The following UMODL1 variants were observed in gnomAD, a reference collection of about 807,000 sequenced individuals.
UMODL1 encodes uromodulin like 1.
Under a neutral mutation model 136.3 loss-of-function variants are expected in UMODL1, and 128 were observed. The observed-to-expected ratio is 0.94, with a 90% confidence interval of 0.81 to 1.09. The LOEUF (loss-of-function observed/expected upper bound fraction) is 1.09, where lower values mean the gene tolerates loss of function less well. UMODL1 is among the 50% of genes least tolerant of loss of function. The pLI is 0.00. For missense variants in UMODL1, 1,766 were observed against 1,725.6 expected, an observed-to-expected ratio of 1.02 and a Z score of -0.41; for synonymous variants, 721 against 720.0, an observed-to-expected ratio of 1.00 and a Z score of -0.02.
chr21:42,128,741 T>G (rs35049682), intron 20 of UMODL1, among the ~76,000 whole-genome samples: 9,385 of 152,252 alleles, frequency 0.062, 404 homozygotes, highest in Middle Eastern at 0.1. Flanking sequence ...CCGCCAGGCT[T>G]CGTCTCTGCA....
Position 42,119,131 on chromosome 21 carries a change from C to G in UMODL1, c.2496C>G (p.Ala832=), listed in dbSNP as rs2066936350. The stretch of plus-strand genomic sequence containing the variant: ...CGCAGGTGCGGGGCTCCCTGCCAGC[C>G]ACCATGTGTCAGCACATGGACGCTG... The part of the protein sequence containing the change: ...FFRMVRGSLP[A]TMCQHMDAGG... The change falls in exon 15 of 23, where the codon GCC becomes GCG. Residue 832 remains alanine, a synonymous_variant. Coordinates refer to ENST00000408910, the MANE Select transcript of UMODL1 (RefSeq NM_001004416.3). The G allele has an allele frequency of 6.2e-7, 1 of 1,613,096 alleles. No homozygotes were observed. The highest frequency in any genetic ancestry group is 8.5e-7 in the Non-Finnish European group (1 of 1,179,752).
chr21:42,122,921 G>T lies in UMODL1; in HGVS notation c.2918G>T (p.Ser973Ile). The T allele has an allele frequency of 6.2e-7, 1 of 1,613,824 alleles. No individual in the cohort carries two copies. Among genetic ancestry groups the T allele is most frequent in the African/African-American group, 1.3e-5 (1 of 75,042 alleles). ...AAGGCTGCCTTTGTGCAAGGCACCA[G>T]CCCCACCCCCCAAGGCCTGCCCCAG... ...GTKAAFVQGTSPTPQGLPQRL... is the reference protein window; with the variant it reads ...GTKAAFVQGTIPTPQGLPQRL... Residue 973 changes from serine to isoleucine, a missense_variant, in exon 17 of 23, where the codon AGC becomes ATC. By Grantham distance (142) the Ser-to-Ile change is moderately radical. Coordinates refer to ENST00000408910, the MANE Select transcript of UMODL1 (RefSeq NM_001004416.3). The surrounding 1 kb of genome is among the most constrained non-coding windows in gnomAD (Gnocchi z 4.3).
At chr21:42,094,712 A>G (rs1218210242) in intron 6 of UMODL1, among the ~76,000 whole-genome samples, 2 of 152,178 alleles carry the variant, frequency 1.3e-5, no homozygotes, top group Non-Finnish European at 2.9e-5. Flanking sequence ...AAATACCCCA[A>G]GGTCTGTCCA....
At chr21:42,131,459 G>GACTC (rs2067133416) in intron 21 of UMODL1, among the ~76,000 whole-genome samples, 1 of 17,292 alleles carries the variant, frequency 5.8e-5, no homozygotes, top group African/African-American at 1.0e-4. Flanking sequence ...TCTCAGCCAT[G>GACTC]AAGCTGGGGA....
At chr21:42,095,087 C>CTCTTTTTTTTTTT (rs1569151178) in intron 6 of UMODL1, among the ~76,000 whole-genome samples, 1 of 34,048 alleles carries the variant, frequency 2.9e-5, no homozygotes, top group African/African-American at 7.5e-5. Flanking sequence ...TTTTCTTCTG[C>CTCTTTTTTTTTTT]TGTTTTTTTT....
At position 42,096,341 on chromosome 21, in the gene UMODL1, C is replaced by T. The variant is rs571562502; in HGVS notation, c.932-2585C>T. 2.4e-4 allele frequency among the ~76,000 whole-genome samples: 36 copies of T among 152,274 alleles called. No individual in the cohort carries two copies. The South Asian group carries it at 3.1e-3, about 13-fold the overall frequency. On this transcript the variant is annotated intron_variant, in intron 6 of 22. Transcript: ENST00000408910. ...CTGACGGCAGCTTCTGCAGATGCCT[C>T]GGAGGGCTTCACAGCATTTGAAATG...
At chr21:42,103,258 C>T (rs2066660312) in intron 8 of UMODL1, 2 of 218,060 alleles carry the variant, frequency 9.2e-6, no homozygotes, top group South Asian at 1.6e-4. Flanking sequence ...AGTGTTGCTT[C>T]CCAACATTTG....
In UMODL1 at chr21:42,090,286, C is replaced by T; in HGVS notation, c.791-12C>T. ...GACTGCTGAGTGTGGGTCCTGCTCT[C>T]CTTCCCTGTAGATGTCAATGAGTGT... On this transcript the variant is annotated splice_polypyrimidine_tract_variant and intron_variant, in intron 5 of 22. Coordinates refer to ENST00000408910, the MANE Select transcript of UMODL1 (RefSeq NM_001004416.3). 2 of 1,614,120 alleles carry T rather than the reference C, an allele frequency of 1.2e-6. No individual in the cohort carries two copies. The highest frequency in any genetic ancestry group is 1.7e-6 in the Non-Finnish European group (2 of 1,179,998).
At chr21:42,112,048 C>T (rs1259708117) in intron 12 of UMODL1, among the ~76,000 whole-genome samples, 1 of 151,908 alleles carries the variant, frequency 6.6e-6, no homozygotes, top group Non-Finnish European at 1.5e-5. Context: ...GTGTTGCCCA[C>T]CCCCGCTGTC....
chr21:42,107,428 C>G (rs113548630), intron 9 of UMODL1, among the ~76,000 whole-genome samples: 1 of 152,172 alleles, frequency 6.6e-6, no homozygotes, highest in Non-Finnish European at 1.5e-5. Flanking sequence ...CTCGCCACTG[C>G]GCGAGCCCTT....
chr21:42,130,714 CT>C (rs1402862953), intron 21 of UMODL1, among the ~76,000 whole-genome samples: 1 of 152,084 alleles, frequency 6.6e-6, no homozygotes, highest in African/African-American at 2.4e-5. Context: ...CTGCCTCTTT[CT>C]TCTTTAGGGC....
At chr21:42,106,949 G>A (rs1245248074) in intron 9 of UMODL1, among the ~76,000 whole-genome samples, 1 of 152,204 alleles carries the variant, frequency 6.6e-6, no homozygotes, top group Admixed American at 6.5e-5. Context: ...TGGCGACAGT[G>A]CATTTCTGAT....
At chr21:42,137,894 G>A (rs960703381) in intron 22 of UMODL1, among the ~76,000 whole-genome samples, 14 of 151,804 alleles carry the variant, frequency 9.2e-5, no homozygotes, top group African/African-American at 3.1e-4. Flanking sequence ...GCCAAGGGTA[G>A]ATATGTGTGT....
upstream of UMODL1, among the ~76,000 whole-genome samples, chr21:42,068,569 C>G (rs764174345): frequency 1.3e-5 from 2 of 152,162 alleles, no homozygotes; most frequent in South Asian, 2.1e-4. This position sits in a 1 kb window ranked among gnomAD's most constrained non-coding sequence, Gnocchi z 5.5. Flanking sequence ...CCCAGCTGGC[C>G]ACCCCTTGGA....
At chr21:42,091,474 A>G (rs2066491582) in intron 6 of UMODL1, among the ~76,000 whole-genome samples, 1 of 152,204 alleles carries the variant, frequency 6.6e-6, no homozygotes, top group Non-Finnish European at 1.5e-5. Context: ...TTGGAAGAAG[A>G]AGTAACTGTG....
intron 22 of UMODL1, among the ~76,000 whole-genome samples, chr21:42,141,360 G>A (rs55805043): frequency 0.015 from 2,242 of 152,266 alleles, 62 homozygotes; most frequent in African/African-American, 0.051. Context: ...ACTAACATAC[G>A]CAGTATTCTG....
intron 21 of UMODL1, among the ~76,000 whole-genome samples, chr21:42,134,255 A>G (rs2067173432): frequency 6.6e-6 from 1 of 152,238 alleles, no homozygotes; most frequent in Non-Finnish European, 1.5e-5. Flanking sequence ...TATATTGACA[A>G]TTTAAGAAAG....
At chr21:42,141,783 G>A (rs539087282) in intron 22 of UMODL1, among the ~76,000 whole-genome samples, 7 of 151,756 alleles carry the variant, frequency 4.6e-5, no homozygotes, top group Admixed American at 1.3e-4. Flanking sequence ...GGTTCTCCAC[G>A]GATGGTGCAA....
rs369562159 is a variant in UMODL1 at position 42,064,336 on chromosome 21, C to T, written c.-141+1122C>T. Among the ~76,000 whole-genome samples, 47 of 152,326 alleles carry T rather than the reference C, an allele frequency of 3.1e-4. No homozygotes were observed. In the East Asian group the frequency reaches 3.3e-3, roughly 11 times the overall value. On this transcript the variant is annotated intron_variant, in intron 1 of 22. Transcript: ENST00000400424. ...GGAGGAGAGAACCCCTCCTGCCGGA[C>T]GGCCTCCGAACTGGAACATCAGCTT...
Sources: gnomAD v4.1 joint callset for allele counts (sites outside exome capture counted in the v4.1 genomes callset) on GRCh38, gnomAD v4.1.1 for gene constraint, Gnocchi (gnomAD v3.1) non-coding constraint, MANE v1.5 for transcripts, NCBI Gene and HGNC (gene_info 2026-07-23, HGNC 2026-07-21) for gene names.